The following NOL11 variants were observed in gnomAD, a reference collection of about 807,000 sequenced individuals.
NOL11 encodes the protein nucleolar protein 11.
A neutral mutation model predicts 93.0 loss-of-function variants in NOL11; 42 were observed. The observed-to-expected ratio is 0.45, with a 90% CI of 0.35 to 0.58. The LOEUF (loss-of-function observed/expected upper bound fraction) is 0.58, where lower values mean the gene tolerates loss of function less well. NOL11 is among the 20% of genes least tolerant of loss of function. The pLI is 0.00. For synonymous variants in NOL11, 296 were observed against 293.7 expected (o/e 1.01, Z -0.08); for missense variants, 775 against 841.8 (o/e 0.92, Z 0.98).
chr17:67,735,872 C>A, intron 8 of NOL11, 28 bp from the exon 9 acceptor site: 1 of 1,592,120 alleles, frequency 6.3e-7, no homozygotes, highest in Non-Finnish European at 8.6e-7. Context: ...AAAAAATTTG[C>A]TTATGTTTTT....
intron 16 of NOL11, among the ~76,000 whole-genome samples, chr17:67,741,421 T>C (rs2055255903): frequency 6.6e-6 from 1 of 152,074 alleles, no homozygotes; most frequent in African/African-American, 2.4e-5. Flanking sequence ...GGACTCCCTG[T>C]GTTACCCAGG....
intron 7 of NOL11, among the ~76,000 whole-genome samples, chr17:67,728,083 AC>A (rs1567801253): frequency 6.6e-6 from 1 of 152,024 alleles, no homozygotes; most frequent in African/African-American, 2.4e-5. Context: ...ACATGGTGAA[AC>A]CCCGTCTCCA....
Position 67,724,190 on chromosome 17 carries a change from TTAAG to T in NOL11, c.664+3_664+6del, listed in dbSNP as rs2055065043. The T allele has an allele frequency of 1.3e-6, 2 of 1,540,710 alleles. No individual in the cohort carries two copies. Among genetic ancestry groups the T allele is most frequent in the Non-Finnish European group, 1.8e-6 (2 of 1,137,646 alleles). Reference sequence around the variant, plus strand: ...TCGGAAATTCATCTCTTTGATGTCATTAAGTAAGTTTTCTTTCTTTAAACTTTCA... The same window carrying T: ...TCGGAAATTCATCTCTTTGATGTCATTAAGTTTTCTTTCTTTAAACTTTCA... On this transcript the variant is annotated splice_donor_variant and coding_sequence_variant, in exon 6 of 18. Transcript: ENST00000253247. LOFTEE classifies it high-confidence loss of function.
At chr17:67,718,119 C>T (rs3760225) in intron 1 of NOL11, 31 bp downstream of exon 1, 2 of 1,602,120 alleles carry the variant, frequency 1.2e-6, no homozygotes, top group Non-Finnish European at 1.7e-6. Context: ...AGCGCCCCGA[C>T]TGCCTTCTCG....
chr17:67,732,491 CAAAAAAAAA>C (rs201009697), intron 7 of NOL11, among the ~76,000 whole-genome samples: 1 of 71,480 alleles, frequency 1.4e-5, no homozygotes, highest in East Asian at 4.3e-4. Context: ...GACTCCGTCT[CAAAAAAAAA>C]AAAAAAAAAT....
intron 10 of NOL11, 92 bp from the exon 11 acceptor site, chr17:67,736,979 T>C (rs1412154023): frequency 1.0e-5 from 9 of 870,060 alleles, no homozygotes; most frequent in Non-Finnish European, 1.5e-5. Context: ...AGCAAAAGTG[T>C]GCTAATCTCT....
chr17:67,720,198 G>T, intron 3 of NOL11: 1 of 309,152 alleles, frequency 3.2e-6, no homozygotes, highest in Non-Finnish European at 5.9e-6. Context: ...CATGAGTTTG[G>T]ATGTTTGGAG....
At chr17:67,737,189 T>G in intron 11 of NOL11, 44 bp downstream of exon 11, 1 of 1,169,116 alleles carries the variant, frequency 8.6e-7, no homozygotes, top group South Asian at 1.2e-5. Flanking sequence ...ACTCAAGTGT[T>G]CCAAAGAAAT....
rs1289552473 is a variant in NOL11 at position 67,737,678 on chromosome 17, T to C, written c.1389T>C (p.His463=). 6.2e-7 allele frequency: 1 copy of C among 1,613,072 alleles called. No individual in the cohort carries two copies. Among genetic ancestry groups the C allele is most frequent in the Non-Finnish European group, 8.5e-7 (1 of 1,179,696 alleles). The change falls in exon 12 of 18, where the codon CAT becomes CAC. Residue 463 remains histidine, a synonymous_variant. Transcript: ENST00000253247. ...GTCTGATGCAGCTTATCCAAACGCA[T>C]GTGCTTTCTTACAGGTAGCTGTTTG... is the stretch of plus-strand genomic sequence containing the variant. ...RNCLMQLIQT[H]VLSYSLCPDL... is the part of the protein sequence containing the mutation.
intron 8 of NOL11, 126 bp downstream of exon 8, chr17:67,734,565 C>A: frequency 1.6e-6 from 1 of 618,200 alleles, no homozygotes; most frequent in South Asian, 2.0e-5. Context: ...CTCAAGTGAT[C>A]CTCCTGCTTC....
chr17:67,740,629 T>C (rs1326155016), intron 16 of NOL11: 1 of 151,994 alleles, frequency 6.6e-6, no homozygotes, highest in Non-Finnish European at 1.5e-5. Context: ...AAAAAACTTA[T>C]TTAAAAAACA....
intron 4 of NOL11, 83 bp from the exon 5 acceptor site, chr17:67,722,497 A>T (rs2043224744): frequency 2.0e-6 from 3 of 1,488,562 alleles, no homozygotes; most frequent in Non-Finnish European, 2.7e-6. Flanking sequence ...TTTAATGAAA[A>T]CTTTGATTAA....
intron 16 of NOL11, among the ~76,000 whole-genome samples, chr17:67,740,952 T>C (rs1457527658): frequency 6.6e-6 from 1 of 152,012 alleles, no homozygotes; most frequent in Non-Finnish European, 1.5e-5. Context: ...CACACTGGAG[T>C]GCAGTGGGAA....
In NOL11 at chr17:67,724,154, G is replaced by A. The variant is rs763444418; in HGVS notation, c.625G>A (p.Ala209Thr). 4 of 1,581,208 alleles carry A rather than the reference G, an allele frequency of 2.5e-6. No homozygotes were observed. Among genetic ancestry groups the A allele is most frequent in the East Asian group, 2.2e-5 (1 of 44,678 alleles). ...AAACTCTGTTATAAAGAGTTTTACT[G>A]CATCTGTAGATCGGAAATTCATCTC... ...DENSVIKSFT[A>T]SVDRKFISLM... The change falls in exon 6 of 18, where the codon GCA (alanine) becomes ACA (threonine). Residue 209 changes from alanine to threonine, a missense_variant. Physicochemically the swap from Ala to Thr is moderately conservative, Grantham distance 58 (BLOSUM62 0). Transcript: ENST00000253247.
At chr17:67,720,409 C>G (rs1376305179) in intron 3 of NOL11, 1 of 151,278 alleles carries the variant, frequency 6.6e-6, no homozygotes, top group Non-Finnish European at 1.5e-5. Flanking sequence ...TCAAGCGATT[C>G]TCCTGCCTCA....
At chr17:67,724,788 A>G (rs3785554) in intron 6 of NOL11, among the ~76,000 whole-genome samples, 123,109 of 152,110 alleles carry the variant, frequency 0.81, 50,212 homozygotes, top group Middle Eastern at 0.87. Context: ...CTGGCCGGGC[A>G]TTGTTCACGC....
At chr17:67,725,772 G>A (rs552358945) in intron 6 of NOL11, among the ~76,000 whole-genome samples, 1 of 152,252 alleles carries the variant, frequency 6.6e-6, no homozygotes, top group Admixed American at 6.5e-5. Flanking sequence ...GGTTTTCAGG[G>A]TGATGAGGTA....
chr17:67,719,388 G>A (rs2043200501), intron 1 of NOL11: 1 of 221,622 alleles, frequency 4.5e-6, no homozygotes, highest in South Asian at 5.7e-5. Context: ...AGCCTCCTGA[G>A]TAATTGGGGT....
chr17:67,730,069 C>T (rs1474102423), intron 7 of NOL11, among the ~76,000 whole-genome samples: 1 of 152,162 alleles, frequency 6.6e-6, no homozygotes, highest in Non-Finnish European at 1.5e-5. Flanking sequence ...TCATCTACCT[C>T]GTTGCATGTA....
Sources: allele counts gnomAD v4.1 joint callset (sites outside exome capture counted in the v4.1 genomes callset), GRCh38; gene constraint gnomAD v4.1.1; transcripts MANE v1.5; gene names NCBI Gene and HGNC (gene_info 2026-07-23, HGNC 2026-07-21).